The following MTMR7 variants were observed in gnomAD, a reference collection of about 807,000 sequenced individuals.
MTMR7 encodes myotubularin related protein 7.
A neutral mutation model predicts 81.2 loss-of-function variants in MTMR7; 76 were observed. That is an observed-to-expected ratio of 0.94 (90% confidence interval 0.78 to 1.13). The LOEUF (loss-of-function observed/expected upper bound fraction) is 1.13, where lower values mean the gene tolerates loss of function less well. Ranked by LOEUF, MTMR7 falls within the 50% of genes most tolerant of loss-of-function variation. MTMR7 has a pLI of 0.00. For missense variants in MTMR7, 1,044 were observed against 820.0 expected, an observed-to-expected ratio of 1.27 and a Z score of -3.34; for synonymous variants, 372 against 289.8, an observed-to-expected ratio of 1.28 and a Z score of -2.88.
intron 7 of MTMR7, among the ~76,000 whole-genome samples, chr8:17,325,786 T>C (rs1441047877): frequency 2.0e-5 from 3 of 152,242 alleles, no homozygotes; most frequent in Non-Finnish European, 4.4e-5. Flanking sequence ...GTGCTCTTAC[T>C]TCATGTCTTT....
At position 17,300,015 on chromosome 8, in the gene MTMR7, C is replaced by T. The variant is rs1817005860; in HGVS notation, c.1830G>A (p.Leu610=). ...DSALILTQDN[L]KSSDPDLSAN... is the part of the protein sequence containing the mutation. ...CTGACAGATCTGGATCTGAACTTTT[C>T]AGATTGTCTTGGGTTAGAATCAGAG... The change falls in exon 14 of 14, where the codon CTG becomes CTA. Residue 610 remains leucine, a synonymous_variant. Coordinates refer to ENST00000180173, the MANE Select transcript of MTMR7 (RefSeq NM_004686.5). 3.7e-6 allele frequency: 6 copies of T among 1,614,134 alleles called. No homozygotes were observed. Among genetic ancestry groups the T allele is most frequent in the Non-Finnish European group, 4.2e-6 (5 of 1,180,004 alleles).
intron 3 of MTMR7, 116 bp downstream of exon 3, chr8:17,370,921 G>T: frequency 9.2e-7 from 1 of 1,085,032 alleles, no homozygotes. Context: ...CTGAGAACGA[G>T]ACTGACACAT....
intron 1 of MTMR7, among the ~76,000 whole-genome samples, chr8:17,394,904 AT>A (rs1001626363): frequency 5.3e-5 from 8 of 151,882 alleles, no homozygotes; most frequent in African/African-American, 1.5e-4. Flanking sequence ...CAGGAAATGT[AT>A]TTTTTTTAAA....
At chr8:17,314,550 A>C (rs1359098085) in intron 7 of MTMR7, among the ~76,000 whole-genome samples, 1 of 152,204 alleles carries the variant, frequency 6.6e-6, no homozygotes, top group African/African-American at 2.4e-5. Flanking sequence ...TTAATTTATC[A>C]GATGCCCTGC....
At position 17,319,963 on chromosome 8, in the gene MTMR7, G is replaced by C. The variant is rs577097623; in HGVS notation, c.866-6562C>G. Among the ~76,000 whole-genome samples, 15 of 152,196 alleles carry C rather than the reference G, an allele frequency of 9.9e-5. No individual in the cohort carries two copies. In the South Asian group the frequency reaches 2.5e-3, roughly 25 times the overall value. ...GAAACACTTGAAATATGTCTGATCA[G>C]GATTGAGATAGATATGCTGTAAGTG... On this transcript the variant is annotated intron_variant, in intron 7 of 13. Transcript: ENST00000180173.
chr8:17,374,170 A>G (rs892730535), intron 1 of MTMR7, among the ~76,000 whole-genome samples: 1 of 152,182 alleles, frequency 6.6e-6, no homozygotes, highest in African/African-American at 2.4e-5. Flanking sequence ...AACGCATTGT[A>G]TTCGCTCCAT....
chr8:17,309,875 T>A (rs1817688991), intron 9 of MTMR7, among the ~76,000 whole-genome samples: 1 of 152,198 alleles, frequency 6.6e-6, no homozygotes, highest in African/African-American at 2.4e-5. Flanking sequence ...AATGATGGTG[T>A]TTGGGGTATA....
chr8:17,341,696 A>T (rs1563346933), intron 5 of MTMR7, among the ~76,000 whole-genome samples, 199 bp from the exon 6 acceptor site: 1 of 152,232 alleles, frequency 6.6e-6, no homozygotes, highest in Non-Finnish European at 1.5e-5. Context: ...AGCAATACAA[A>T]GAACCTGTCT....
chr8:17,374,583 C>T (rs1009118387), intron 1 of MTMR7, among the ~76,000 whole-genome samples: 65 of 151,470 alleles, frequency 4.3e-4, no homozygotes, highest in South Asian at 2.1e-4. Context: ...ATTGCGCCAC[C>T]GTACCGTAGC....
In MTMR7 at chr8:17,299,897, G is replaced by T; in HGVS notation, c.1948C>A (p.Arg650=). Residue 650 remains arginine, a synonymous_variant, in exon 14 of 14, where the codon CGG becomes AGG. Coordinates refer to ENST00000180173, the MANE Select transcript of MTMR7 (RefSeq NM_004686.5). The part of the protein sequence containing the change: ...HAPSEDSGKD[R]DSDEAVFLTA ...AGAAACACGGCTTCATCAGAATCCC[G>T]GTCCTTGCCACTATCTTCACTCGGT... The T allele has an allele frequency of 6.2e-7, 1 of 1,614,058 alleles. No homozygotes were observed. Among genetic ancestry groups the T allele is most frequent in the African/African-American group, 1.3e-5 (1 of 75,024 alleles).
intron 7 of MTMR7, among the ~76,000 whole-genome samples, chr8:17,328,430 G>T (rs2150524781): frequency 6.6e-6 from 1 of 152,278 alleles, no homozygotes; most frequent in African/African-American, 2.4e-5. Flanking sequence ...AATGGATGGA[G>T]CTGGAAGCCA....
At chr8:17,319,384 T>C (rs1214061099) in intron 7 of MTMR7, among the ~76,000 whole-genome samples, 1 of 152,148 alleles carries the variant, frequency 6.6e-6, no homozygotes, top group Non-Finnish European at 1.5e-5. Context: ...CCAGCAGGGG[T>C]GTCCTGGGAG....
At chr8:17,319,862 C>T (rs1818291720) in intron 7 of MTMR7, among the ~76,000 whole-genome samples, 1 of 152,102 alleles carries the variant, frequency 6.6e-6, no homozygotes, top group African/African-American at 2.4e-5. Flanking sequence ...CAAATACCAT[C>T]AGCTTAAAGG....
intron 4 of MTMR7, among the ~76,000 whole-genome samples, chr8:17,359,213 A>G (rs1435530934): frequency 1.3e-5 from 2 of 152,168 alleles, no homozygotes; most frequent in African/African-American, 2.4e-5. Flanking sequence ...GCGTATTAAT[A>G]AAGAAATACT....
rs764197148 is a variant in MTMR7, at chr8:17,304,508, C to G, written c.1364G>C (p.Arg455Thr). The G allele has an allele frequency of 6.2e-7, 1 of 1,613,284 alleles. No individual in the cohort carries two copies. Among genetic ancestry groups the G allele is most frequent in the East Asian group, 2.2e-5 (1 of 44,868 alleles). ...CAGGTGAGCCCATAATGAGTATGTT[C>G]TTTCTTGAATCCTGTTATAAAGAAA... The part of the protein sequence containing the change: ...KERRELKIQE[R>T]TYSLWAHLWK... The change falls in exon 12 of 14, where the codon AGA becomes ACA. Residue 455 changes from arginine (R) to threonine (T), a missense_variant. By Grantham distance (71) the Arg-to-Thr change is moderately conservative (BLOSUM62 -1). Transcript: ENST00000180173.
chr8:17,349,401 G>T (rs1819658842), intron 4 of MTMR7: 2 of 205,254 alleles, frequency 9.7e-6, no homozygotes, highest in South Asian at 2.2e-4. Context: ...CTGCCATTTT[G>T]CACCCTGGCT....
intron 7 of MTMR7, among the ~76,000 whole-genome samples, chr8:17,316,957 T>C (rs1818118206): frequency 6.6e-6 from 1 of 152,198 alleles, no homozygotes; most frequent in South Asian, 2.1e-4. Flanking sequence ...TGGTTTATGC[T>C]CTCACCAGTA....
intron 4 of MTMR7, among the ~76,000 whole-genome samples, chr8:17,358,326 G>C (rs570670850): frequency 1.3e-5 from 2 of 152,202 alleles, no homozygotes; most frequent in South Asian, 4.1e-4. Flanking sequence ...AGGGATATGT[G>C]AAACTGACAA....
chr8:17,392,551 C>T (rs1821135136), intron 1 of MTMR7, among the ~76,000 whole-genome samples: 1 of 152,240 alleles, frequency 6.6e-6, no homozygotes, highest in African/African-American at 2.4e-5. Context: ...TCCAAAAAGA[C>T]TCTCTTTCAG....
Sources: allele counts gnomAD v4.1 joint callset (sites outside exome capture counted in the v4.1 genomes callset), GRCh38; gene constraint gnomAD v4.1.1; transcripts MANE v1.5; gene names NCBI Gene and HGNC (gene_info 2026-07-23, HGNC 2026-07-21).